CDH19: variants seen among roughly 807,000 people sequenced by gnomAD.
The protein encoded by CDH19 is cadherin 19.
A neutral mutation model predicts 64.2 loss-of-function variants in CDH19; 67 were observed. The ratio of observed to expected loss-of-function variants is 1.04; its 90% CI spans 0.86 to 1.28. CDH19 has a LOEUF of 1.28. Among genes scored for constraint, CDH19 ranks in the 50% most tolerant of loss-of-function variants. The pLI is 0.00. For synonymous variants in CDH19, 346 were observed against 319.3 expected, an observed-to-expected ratio of 1.08 and a Z score of -0.89; for missense variants, 1,030 against 929.0, an observed-to-expected ratio of 1.11 and a Z score of -1.41.
rs190258024 is a variant in CDH19 at position 66,504,705 on chromosome 18, T to C, written c.*107A>G. On this transcript the variant is annotated 3_prime_UTR_variant, in exon 12 of 12. Transcript: ENST00000262150. Reference sequence around the variant, plus strand: ...ACTCCAGGGAAATCAGAAAACTCCATAGACTAGGGCTTTCCCCGCCATAGA... The same window carrying C: ...ACTCCAGGGAAATCAGAAAACTCCACAGACTAGGGCTTTCCCCGCCATAGA... The C allele has an allele frequency of 2.1e-5, 25 of 1,177,816 alleles. No homozygotes were observed. The highest frequency in any genetic ancestry group is 6.2e-5 in the African/African-American group (4 of 65,014). 73.0% of individuals were successfully genotyped at this position (1,177,816 alleles called of 1,614,324 possible). A position where few individuals can be genotyped will look rare whatever the true frequency, so the allele number is the denominator to read the frequency against.
intron 11 of CDH19, among the ~76,000 whole-genome samples, chr18:66,506,673 G>A (rs1985215494): frequency 6.6e-6 from 1 of 151,808 alleles, no homozygotes; most frequent in African/African-American, 2.4e-5. Context: ...ATGTGTGTGT[G>A]TGTCTGTGTG....
chr18:66,583,155 A>G (rs1988474598), intron 1 of CDH19, among the ~76,000 whole-genome samples: 5 of 152,000 alleles, frequency 3.3e-5, no homozygotes, highest in Admixed American at 3.3e-4. Context: ...TTTTAAAATT[A>G]TTGTACTTTT....
chr18:66,555,276 T>G (rs149777782), intron 3 of CDH19, among the ~76,000 whole-genome samples: 10 of 151,868 alleles, frequency 6.6e-5, no homozygotes, highest in Non-Finnish European at 1.5e-4. Flanking sequence ...ATTTGAAATA[T>G]GTATTTGTTG....
At chr18:66,511,765 A>G in intron 9 of CDH19, 80 bp from the exon 10 acceptor site, 1 of 730,994 alleles carries the variant, frequency 1.4e-6, no homozygotes, top group South Asian at 1.6e-5. Context: ...ATTAGCTTTT[A>G]TTCACATTGC....
chr18:66,502,627 A>G lies in CDH19; in HGVS notation c.*2185T>C, dbSNP rs1369703399. 1.3e-5 allele frequency: 2 copies of G among 152,068 alleles called. No homozygotes were observed. The highest frequency in any genetic ancestry group is 3.9e-4 in the East Asian group (2 of 5,166). 9.4% of individuals were successfully genotyped at this position (152,068 alleles called of 1,614,324 possible). On this transcript the variant is annotated 3_prime_UTR_variant, in exon 12 of 12. Transcript: ENST00000262150. ...CAACACTTCATGGAATAATTCATGAAAATTTCTCTGACTATACATTTTCAA... is the reference window on the plus strand; with the variant it reads ...CAACACTTCATGGAATAATTCATGAGAATTTCTCTGACTATACATTTTCAA...
chr18:66,560,964 CT>C lies in CDH19; in HGVS notation c.491-6441del, dbSNP rs540869914. 8.3e-3 allele frequency among the ~76,000 whole-genome samples: 1,264 copies of C among 152,026 alleles called. 13 individuals are homozygous for C. The highest frequency in any genetic ancestry group is 0.029 in the African/African-American group (1,186 of 41,480). ...TAATATATATGAACATTAATAAAAT[CT>C]TTTTTAGAGAAGATTTTAACATTAA... On this transcript the variant is annotated intron_variant, in intron 3 of 11. Transcript: ENST00000262150.
intron 9 of CDH19, among the ~76,000 whole-genome samples, chr18:66,514,067 G>A (rs1330332194): frequency 1.3e-5 from 2 of 151,334 alleles, no homozygotes; most frequent in African/African-American, 4.8e-5. Context: ...AATGGTCTCT[G>A]GAATAAATCC....
Position 66,505,084 on chromosome 18 carries a change from T to C in CDH19, c.2047A>G (p.Arg683Gly), listed in dbSNP as rs1985121132. The change falls in exon 12 of 12, where the codon AGG becomes GGG. Residue 683 changes from arginine (R) to glycine (G), a missense_variant. Transcript: ENST00000262150. ...TTSAEIRSLY[R>G]QSLQVGPDSA... ...TCGGGGCCAACTTGCAAAGACTGCC[T>C]GTATAGGCTCCTGATCTCAGCGCTT... The C allele has an allele frequency of 2.5e-6, 4 of 1,613,698 alleles. No homozygotes were observed. The highest frequency in any genetic ancestry group is 4.5e-5 in the East Asian group (2 of 44,842).
chr18:66,521,163 A>G (rs1985964961), intron 9 of CDH19, among the ~76,000 whole-genome samples: 1 of 152,152 alleles, frequency 6.6e-6, no homozygotes. Context: ...TATTAGTAAT[A>G]AATAGAATGT....
chr18:66,561,864 G>A (rs1365944187), intron 3 of CDH19, among the ~76,000 whole-genome samples: 2 of 152,032 alleles, frequency 1.3e-5, no homozygotes, highest in Admixed American at 1.3e-4. Context: ...TGTGTGGACA[G>A]TTGACATTGT....
chr18:66,550,651 T>C (rs1010869492), intron 5 of CDH19, among the ~76,000 whole-genome samples: 1 of 152,026 alleles, frequency 6.6e-6, no homozygotes, highest in Admixed American at 6.6e-5. Context: ...TTCTGGGATG[T>C]GTGGGCTAAA....
Position 66,509,134 on chromosome 18 carries a change from T to TG in CDH19, c.1688dup (p.Asn564LysfsTer9). On this transcript the variant is annotated frameshift_variant, in exon 11 of 12. Coordinates refer to ENST00000262150, the MANE Select transcript of CDH19 (RefSeq NM_021153.4). LOFTEE classifies it high-confidence loss of function. ...CACAGACATGGATGGTAAGGGTGTT[T>TG]GTACTTGTAAGTGACGGGATTCCAT... The TG allele has an allele frequency of 6.2e-7, 1 of 1,612,986 alleles. No individual in the cohort carries two copies. Among genetic ancestry groups the TG allele is most frequent in the East Asian group, 2.2e-5 (1 of 44,852 alleles).
intron 9 of CDH19, among the ~76,000 whole-genome samples, chr18:66,522,900 AT>A (rs1040392358): frequency 1.3e-5 from 2 of 151,942 alleles, no homozygotes; most frequent in African/African-American, 4.8e-5. Context: ...CCTATAAATT[AT>A]TTTTAATAGT....
intron 2 of CDH19, among the ~76,000 whole-genome samples, 184 bp from the exon 3 acceptor site, chr18:66,568,894 G>C (rs1307551445): frequency 2.0e-5 from 3 of 151,728 alleles, no homozygotes; most frequent in Non-Finnish European, 4.4e-5. Flanking sequence ...GGAGAAGGAA[G>C]AGTGAATATT....
At chr18:66,600,075 G>A (rs750716388) in intron 1 of CDH19, among the ~76,000 whole-genome samples, 3 of 151,948 alleles carry the variant, frequency 2.0e-5, no homozygotes, top group Non-Finnish European at 4.4e-5. Context: ...TGAAATTTGT[G>A]CCAGATAGAA....
intron 1 of CDH19, among the ~76,000 whole-genome samples, chr18:66,580,036 T>G (rs1459011083): frequency 6.6e-6 from 1 of 152,056 alleles, no homozygotes; most frequent in Non-Finnish European, 1.5e-5. Context: ...AGTATTTGGA[T>G]AGTTGTTCTT....
intron 10 of CDH19, 93 bp downstream of exon 10, chr18:66,511,475 A>C (rs1293465523): frequency 3.2e-6 from 2 of 630,036 alleles, no homozygotes; most frequent in African/African-American, 3.8e-5. Flanking sequence ...TTATGTTGCA[A>C]GAACAGTATA....
chr18:66,505,801 A>C (rs2144327715), intron 11 of CDH19, among the ~76,000 whole-genome samples: 1 of 151,868 alleles, frequency 6.6e-6, no homozygotes, highest in East Asian at 1.9e-4. Context: ...TTTCTAAATT[A>C]ATATGTATTG....
At chr18:66,574,985 C>A (rs1988223858) in intron 1 of CDH19, among the ~76,000 whole-genome samples, 1 of 151,738 alleles carries the variant, frequency 6.6e-6, no homozygotes, top group African/African-American at 2.4e-5. Context: ...AGAAACTGAG[C>A]TGTCAGGTAT....
Sources: allele counts gnomAD v4.1 joint callset (sites outside exome capture counted in the v4.1 genomes callset), GRCh38; gene constraint gnomAD v4.1.1; transcripts MANE v1.5; gene names NCBI Gene and HGNC (gene_info 2026-07-23, HGNC 2026-07-21).